Variants in RDH10 observed in about 807,000 individuals in gnomAD.
RDH10 encodes the protein retinol dehydrogenase 10 (all-trans).
In RDH10, 12 loss-of-function variants were observed where a neutral mutation model predicts 30.2. The observed-to-expected ratio is 0.40, with a 90% CI of 0.25 to 0.64. RDH10 has a LOEUF of 0.64. Ranked by LOEUF, RDH10 falls within the 30% of genes least tolerant of loss-of-function variation. The probability of loss-of-function intolerance (pLI) is 0.43; values close to 1 mark genes in which losing one functional copy is unlikely to be tolerated. For synonymous variants in RDH10, 189 were observed against 172.2 expected (o/e 1.10, Z -0.76); for missense variants, 268 against 445.2 (o/e 0.60, Z 3.58).
In RDH10 at chr8:73,320,864, A is replaced by G. The variant is rs1814759930; in HGVS notation, c.625-68A>G. 20 of 1,490,306 alleles carry G rather than the reference A, an allele frequency of 1.3e-5. 1 individual carries two copies. The South Asian group carries it at 2.1e-4, about 16-fold the overall frequency. The allele number at this position is 1,490,306 out of a possible 1,614,324, so 92.3% of individuals were successfully genotyped here. On this transcript the variant is annotated intron_variant, in intron 3 of 5. Transcript: ENST00000240285. ...TCTAAACATGGTAATAGGACCAGGG[A>G]AGCTTTAGTTTGGTTGGAGATAGGG...
chr8:73,295,571 G>T lies in RDH10; in HGVS notation c.282G>T (p.Ala94=). 1 of 1,520,642 alleles carries T rather than the reference G, an allele frequency of 6.6e-7. No homozygotes were observed. The allele number at this position is 1,520,642 out of a possible 1,614,324, so 94.2% of individuals were successfully genotyped here. A position where few individuals can be genotyped will look rare whatever the true frequency, so the allele number is the denominator to read the frequency against. ...YRDLEAADAA[A]LQAGNGEEEI... ...ACCTGGAGGCGGCCGACGCCGCTGC[G>T]CTGCAAGGTAACCTGGACCCGCGCG... The change falls in exon 1 of 6, where the codon GCG becomes GCT. Residue 94 remains alanine, a synonymous_variant. Transcript: ENST00000240285.
At position 73,324,098 on chromosome 8, in the gene RDH10, T is replaced by C. The variant is rs1045151504; in HGVS notation, c.*1062T>C. The stretch of plus-strand genomic sequence containing the variant: ...AGTTGCTGTGTTTCATTTCTTTGGA[T>C]GGACTCTTATCTAGAATACATAGCA... On this transcript the variant is annotated 3_prime_UTR_variant, in exon 6 of 6. Coordinates refer to ENST00000240285, the MANE Select transcript of RDH10 (RefSeq NM_172037.5). The C allele has an allele frequency of 6.5e-6, 1 of 152,792 alleles. No homozygotes were observed. The highest frequency in any genetic ancestry group is 2.4e-5 in the African/African-American group (1 of 41,594). The allele number at this position is 152,792 out of a possible 1,614,324, so 9.5% of individuals were successfully genotyped here.
intron 3 of RDH10, among the ~76,000 whole-genome samples, chr8:73,320,475 G>GT (rs55892941): frequency 0.031 from 4,305 of 137,360 alleles, 141 homozygotes; most frequent in African/African-American, 0.07. Flanking sequence ...TTTTGTTTTT[G>GT]TTTTTTTTTT....
chr8:73,307,019 G>A (rs1814476264), intron 2 of RDH10, among the ~76,000 whole-genome samples: 1 of 152,122 alleles, frequency 6.6e-6, no homozygotes, highest in African/African-American at 2.4e-5. Context: ...TTTTACATGG[G>A]CTAGTCCTGC....
rs1157510379 is a variant in RDH10, at chr8:73,300,022, A to AC, written c.525+2594dup. ...AGCATAGCACCTTCCTAGAGTCATCACTGTGCTTTGAGATGTTGCTTAACC... is the reference window on the plus strand; with the variant it reads ...AGCATAGCACCTTCCTAGAGTCATCACCTGTGCTTTGAGATGTTGCTTAACC... On this transcript the variant is annotated intron_variant, in intron 2 of 5. Coordinates refer to ENST00000240285, the MANE Select transcript of RDH10 (RefSeq NM_172037.5). Among the ~76,000 whole-genome samples the AC allele has an allele frequency of 3.3e-5, 5 of 152,320 alleles. No homozygotes were observed. In the East Asian group the frequency reaches 9.7e-4, roughly 29 times the overall value.
Position 73,295,577 on chromosome 8 carries a change from A to G in RDH10, c.288A>G (p.Gln96=). ...AGGCGGCCGACGCCGCTGCGCTGCA[A>G]GGTAACCTGGACCCGCGCGGGAGCA... The part of the protein sequence containing the change: ...DLEAADAAAL[Q]AGNGEEEILP... The change falls in exon 1 of 6, where the codon CAA becomes CAG. Residue 96 remains glutamine (Q), a splice_region_variant and synonymous_variant. Coordinates refer to ENST00000240285, the MANE Select transcript of RDH10 (RefSeq NM_172037.5). 1 of 1,510,180 alleles carries G rather than the reference A, an allele frequency of 6.6e-7. No individual in the cohort carries two copies. The highest frequency in any genetic ancestry group is 1.3e-5 in the South Asian group (1 of 78,998). The allele number at this position is 1,510,180 out of a possible 1,614,324, so 93.5% of individuals were successfully genotyped here.
chr8:73,295,405 G>T lies in RDH10; in HGVS notation c.116G>T (p.Cys39Phe). ...PKEKSVAGQV[C>F]LITGAGSGLG... is the part of the protein sequence containing the mutation. ...GAGAAGAGCGTGGCGGGCCAGGTGT[G>T]CCTCATCACCGGCGCCGGCAGCGGC... The change falls in exon 1 of 6, where the codon TGC becomes TTC. Residue 39 changes from cysteine to phenylalanine, a missense_variant. By Grantham distance (205) the Cys-to-Phe change is radical (BLOSUM62 -2). This residue lies in a region of RDH10 where 42 missense variants were observed against 77.6 expected (regional missense o/e 0.54). Coordinates refer to ENST00000240285, the MANE Select transcript of RDH10 (RefSeq NM_172037.5). 6.5e-7 allele frequency: 1 copy of T among 1,550,032 alleles called. No homozygotes were observed.
Position 73,323,056 on chromosome 8 carries a change from A to T in RDH10, c.*20A>T. On this transcript the variant is annotated 3_prime_UTR_variant, in exon 6 of 6. Coordinates refer to ENST00000240285, the MANE Select transcript of RDH10 (RefSeq NM_172037.5). Reference sequence around the variant, plus strand: ...ATCTAAGAATCTTTTTGTATGGAATATTACTTCTATCAGAAGATGATCAAG... The same window carrying T: ...ATCTAAGAATCTTTTTGTATGGAATTTTACTTCTATCAGAAGATGATCAAG... The T allele has an allele frequency of 6.3e-7, 1 of 1,588,344 alleles. No homozygotes were observed. The highest frequency in any genetic ancestry group is 8.6e-7 in the Non-Finnish European group (1 of 1,156,984).
chr8:73,311,788 G>T (rs1306312612), intron 2 of RDH10: 2 of 152,168 alleles, frequency 1.3e-5, no homozygotes, highest in Admixed American at 6.5e-5. Flanking sequence ...GTAGTTCCAG[G>T]CTTAAGTATC....
chr8:73,303,221 A>G (rs1309238510), intron 2 of RDH10, among the ~76,000 whole-genome samples: 1 of 152,216 alleles, frequency 6.6e-6, no homozygotes, highest in East Asian at 1.9e-4. Context: ...GTAGCACTTA[A>G]AGACATTAGT....
chr8:73,322,114 G>A (rs1799011427), intron 4 of RDH10: 1 of 408,236 alleles, frequency 2.4e-6, no homozygotes, highest in African/African-American at 2.1e-5. Context: ...AAGAATGAAA[G>A]GAATAAATTG....
intron 2 of RDH10, chr8:73,300,418 T>C (rs998247569): frequency 1.3e-5 from 2 of 151,310 alleles, no homozygotes; most frequent in African/African-American, 2.4e-5. Flanking sequence ...GACGTTGGCA[T>C]GTGCTGTTTT....
intron 2 of RDH10, chr8:73,297,666 T>C: frequency 2.4e-6 from 1 of 422,764 alleles, no homozygotes; most frequent in South Asian, 3.1e-5. Context: ...TTGAACATTT[T>C]GAACTAGTTT....
intron 4 of RDH10, 130 bp from the exon 5 acceptor site, chr8:73,322,549 C>A: frequency 1.3e-6 from 1 of 764,016 alleles, no homozygotes; most frequent in Non-Finnish European, 2.1e-6. Flanking sequence ...CAGAAAAGCA[C>A]TATGAAGAAA....
intron 2 of RDH10, among the ~76,000 whole-genome samples, chr8:73,305,510 A>G (rs941679919): frequency 2.0e-5 from 3 of 152,214 alleles, no homozygotes; most frequent in Non-Finnish European, 4.4e-5. Flanking sequence ...GTCTATTTGC[A>G]TGTGTCTAAT....
chr8:73,312,677 G>T (rs1450811353), intron 2 of RDH10: 2 of 152,218 alleles, frequency 1.3e-5, no homozygotes, highest in African/African-American at 4.8e-5. Flanking sequence ...TCTTTGTTCA[G>T]TGGAGTCTTG....
chr8:73,295,862 G>T, intron 1 of RDH10: 1 of 1,246,594 alleles, frequency 8.0e-7, no homozygotes. Context: ...TAGGGAAGGC[G>T]GAGGGAACTT....
chr8:73,312,806 A>G (rs1480187270), intron 2 of RDH10: 2 of 152,212 alleles, frequency 1.3e-5, no homozygotes, highest in Non-Finnish European at 2.9e-5. Flanking sequence ...TCCCAGCGTT[A>G]TATGATTTAT....
intron 2 of RDH10, among the ~76,000 whole-genome samples, chr8:73,305,511 T>A (rs564462135): frequency 3.3e-5 from 5 of 152,358 alleles, no homozygotes; most frequent in African/African-American, 1.2e-4. Context: ...TCTATTTGCA[T>A]GTGTCTAATC....
Sources: allele counts gnomAD v4.1 joint callset (sites outside exome capture counted in the v4.1 genomes callset), GRCh38; gene constraint gnomAD v4.1.1; regional missense constraint gnomAD v4.1.1; transcripts MANE v1.5; gene names NCBI Gene and HGNC (gene_info 2026-07-23, HGNC 2026-07-21).